The following ZNF577 variants were observed in gnomAD, a reference collection of about 807,000 sequenced individuals.
The protein encoded by ZNF577 is zinc finger protein 577.
A neutral mutation model predicts 13.9 loss-of-function variants in ZNF577; 14 were observed. The ratio of observed to expected loss-of-function variants is 1.00; its 90% CI spans 0.66 to 1.57. The LOEUF is 1.57. ZNF577 is among the 40% of genes most tolerant of loss of function. The pLI, the probability that ZNF577 is intolerant of heterozygous loss-of-function variation, is 0.00. For synonymous variants in ZNF577, 203 were observed against 202.9 expected, an observed-to-expected ratio of 1.00 and a Z score of 0.00; for missense variants, 555 against 579.2, an observed-to-expected ratio of 0.96 and a Z score of 0.43.
At chr19:51,861,341 G>A (rs1399085093) in intron 5 of ZNF577, 1 of 162,178 alleles carries the variant, frequency 6.2e-6, no homozygotes. Context: ...ATGTTGGCCA[G>A]GCTGGTCTCG....
chr19:51,830,008 T>C (rs749318460), intron 9 of ZNF577, among the ~76,000 whole-genome samples: 1 of 152,172 alleles, frequency 6.6e-6, no homozygotes, highest in Non-Finnish European at 1.5e-5. Flanking sequence ...CCCAAGGTCA[T>C]CTAGATTTTC....
At chr19:51,816,755 G>A (rs1022582239) in intron 9 of ZNF577, among the ~76,000 whole-genome samples, 6 of 152,280 alleles carry the variant, frequency 3.9e-5, no homozygotes, top group Admixed American at 1.3e-4. Flanking sequence ...CCTTTAACTT[G>A]TGCGATCTGA....
chr19:51,814,580 A>G (rs2084120742), intron 9 of ZNF577, among the ~76,000 whole-genome samples: 1 of 150,586 alleles, frequency 6.6e-6, no homozygotes, highest in Non-Finnish European at 1.5e-5. Flanking sequence ...TGCAACCTCC[A>G]TCTGCTGGGT....
chr19:51,849,140 A>G lies in ZNF577; in HGVS notation c.284-4209T>C, dbSNP rs2084368206. On this transcript the variant is annotated intron_variant and NMD_transcript_variant, in intron 5 of 10. Coordinates refer to the ZNF577 transcript ENST00000638827. The stretch of plus-strand genomic sequence containing the variant: ...CTATTTCCACAGTTTGGGGAAGGAA[A>G]CTATACACAGGTCTTTCTGTGTCAT... 2.6e-5 allele frequency among the ~76,000 whole-genome samples: 4 copies of G among 152,200 alleles called. No individual in the cohort carries two copies. In the South Asian group the frequency reaches 8.3e-4, roughly 31 times the overall value.
intron 1 of ZNF577, among the ~76,000 whole-genome samples, chr19:51,881,473 A>T (rs2084861148): frequency 1.3e-5 from 2 of 152,202 alleles, no homozygotes; most frequent in Non-Finnish European, 2.9e-5. Flanking sequence ...TTTATAAGGT[A>T]CTCATTATTA....
downstream of ZNF577, among the ~76,000 whole-genome samples, chr19:51,864,331 T>C (rs900329687): frequency 6.6e-6 from 1 of 152,220 alleles, no homozygotes; most frequent in African/African-American, 2.4e-5. Flanking sequence ...CTGATGTTTA[T>C]TTTAATGTTC....
chr19:51,809,824 G>T (rs552874302), intron 10 of ZNF577, among the ~76,000 whole-genome samples: 45 of 152,268 alleles, frequency 3.0e-4, no homozygotes, highest in African/African-American at 1.0e-3. Context: ...TGTTCCTGGG[G>T]TGAGGGAATC....
chr19:51,874,526 A>T (rs2122672472), intron 5 of ZNF577, among the ~76,000 whole-genome samples: 1 of 152,220 alleles, frequency 6.6e-6, no homozygotes, highest in African/African-American at 2.4e-5. Context: ...TTTACCCGGA[A>T]TATCCTGAGC....
intron 5 of ZNF577, among the ~76,000 whole-genome samples, chr19:51,853,598 C>A (rs181372745): frequency 1.3e-5 from 2 of 152,136 alleles, no homozygotes; most frequent in Non-Finnish European, 2.9e-5. Context: ...GGTAACTGTA[C>A]GGGAGTCTAT....
intron 5 of ZNF577, among the ~76,000 whole-genome samples, chr19:51,857,516 A>G (rs1023779478): frequency 6.6e-6 from 1 of 152,222 alleles, no homozygotes; most frequent in African/African-American, 2.4e-5. Context: ...CCACAATTTC[A>G]TATCTTGGTA....
intron 9 of ZNF577, among the ~76,000 whole-genome samples, chr19:51,829,889 T>A (rs1227513478): frequency 6.6e-6 from 1 of 152,114 alleles, no homozygotes; most frequent in Non-Finnish European, 1.5e-5. Flanking sequence ...AGAGGTCAAG[T>A]GGGGCACCTT....
At chr19:51,836,242 G>T (rs2084286601) in intron 9 of ZNF577, among the ~76,000 whole-genome samples, 1 of 152,214 alleles carries the variant, frequency 6.6e-6, no homozygotes, top group Non-Finnish European at 1.5e-5. Flanking sequence ...ATCTCTGTAT[G>T]TAGTATTTCT....
chr19:51,874,029 A>G (rs1346906531), intron 5 of ZNF577, among the ~76,000 whole-genome samples: 1 of 152,212 alleles, frequency 6.6e-6, no homozygotes, highest in Non-Finnish European at 1.5e-5. Flanking sequence ...GTGAAAAAGG[A>G]TGATACTATA....
downstream of ZNF577, chr19:51,863,245 T>G (rs939339870): frequency 6.6e-6 from 1 of 152,234 alleles, no homozygotes; most frequent in African/African-American, 2.4e-5. Flanking sequence ...TCCATATGAT[T>G]TCTTTCCAAA....
At chr19:51,878,244 G>A in intron 4 of ZNF577, 145 bp downstream of exon 4, 1 of 896,580 alleles carries the variant, frequency 1.1e-6, no homozygotes, top group Non-Finnish European at 1.6e-6. Flanking sequence ...GGTTAAGACG[G>A]TAAATTTTAT....
At chr19:51,839,969 A>T (rs756870035) in exon 9 of ZNF577, 8 of 152,188 alleles carry the variant, frequency 5.3e-5, no homozygotes, top group Non-Finnish European at 1.0e-4. Flanking sequence ...TGCCGTAGTC[A>T]CGCTCTTGTG....
At chr19:51,866,724 A>G (rs1323015776), downstream of ZNF577, among the ~76,000 whole-genome samples, 2 of 152,184 alleles carry the variant, frequency 1.3e-5, no homozygotes, top group Non-Finnish European at 2.9e-5. Flanking sequence ...GCTCATGCCT[A>G]TAATTCCAGC....
Position 51,887,415 on chromosome 19 carries a change from G to A in ZNF577, c.-813C>T, listed in dbSNP as rs568578476. On this transcript the variant is annotated 5_prime_UTR_variant, in exon 1 of 6. Transcript: ENST00000638348. ...TACACTAAACCAGAGTTATTTTCTG[G>A]AGGAGTATTTAAAATGATGGGGATG... is the stretch of plus-strand genomic sequence containing the variant. 1 of 152,286 alleles carries A rather than the reference G, an allele frequency of 6.6e-6. No individual in the cohort carries two copies. The highest frequency in any genetic ancestry group is 2.1e-4 in the South Asian group (1 of 4,826). 9.4% of individuals were successfully genotyped at this position (152,286 alleles called of 1,614,324 possible). A position where few individuals can be genotyped will look rare whatever the true frequency, so the allele number is the denominator to read the frequency against.
chr19:51,837,808 T>C (rs721890), intron 9 of ZNF577, among the ~76,000 whole-genome samples: 1 of 151,942 alleles, frequency 6.6e-6, no homozygotes, highest in African/African-American at 2.4e-5. Context: ...ATATTTATAG[T>C]CCATTTTCAT....
Sources: gnomAD v4.1 joint callset for allele counts (sites outside exome capture counted in the v4.1 genomes callset) on GRCh38, gnomAD v4.1.1 for gene constraint, MANE v1.5 for transcripts, NCBI Gene and HGNC (gene_info 2026-07-23, HGNC 2026-07-21) for gene names.